The following ADGRV1 variants were observed in gnomAD, a reference collection of about 807,000 sequenced individuals.
ADGRV1 encodes the protein adhesion G protein-coupled receptor V1, also known as G-protein coupled receptor 98.
Under a neutral mutation model 596.2 loss-of-function variants are expected in ADGRV1, and 359 were observed. The ratio of observed to expected loss-of-function variants is 0.60; its 90% confidence interval spans 0.55 to 0.66. The LOEUF is 0.66. ADGRV1 is among the 30% of genes least tolerant of loss of function. ADGRV1 has a pLI of 0.00. For missense variants in ADGRV1, 7,274 were observed against 7,575.6 expected (o/e 0.96, Z 1.48); for synonymous variants, 2,681 against 2,679.2 (o/e 1.00, Z -0.02).
At chr5:90,628,954 C>T (rs1765151467) in intron 8 of ADGRV1, 122 bp downstream of exon 8, 1 of 905,198 alleles carries the variant, frequency 1.1e-6, no homozygotes. Context: ...ACTGGCTTTG[C>T]AAATGATAGT....
intron 34 of ADGRV1, among the ~76,000 whole-genome samples, chr5:90,702,787 C>T (rs1748072984): frequency 6.6e-6 from 1 of 151,910 alleles, no homozygotes; most frequent in Non-Finnish European, 1.5e-5. Flanking sequence ...CTATGCTATA[C>T]AGTTTGATTA....
intron 73 of ADGRV1, among the ~76,000 whole-genome samples, chr5:90,809,590 A>G (rs1474783474): frequency 6.6e-6 from 1 of 152,188 alleles, no homozygotes; most frequent in African/African-American, 2.4e-5. Flanking sequence ...ATTTAAATTT[A>G]TATTAAAACC....
At chr5:91,025,209 A>G (rs1311637768) in intron 85 of ADGRV1, among the ~76,000 whole-genome samples, 1 of 152,062 alleles carries the variant, frequency 6.6e-6, no homozygotes, top group Non-Finnish European at 1.5e-5. Context: ...TCTTTCTCTT[A>G]TTCACAGTTT....
intron 1 of ADGRV1, among the ~76,000 whole-genome samples, chr5:90,576,033 A>G (rs908693949): frequency 5.9e-5 from 9 of 152,086 alleles, no homozygotes; most frequent in African/African-American, 2.2e-4. Flanking sequence ...GTCCCTCTTT[A>G]TTTCCTGTTC....
intron 22 of ADGRV1, 37 bp from the exon 23 acceptor site, chr5:90,674,017 C>T: frequency 4.1e-6 from 6 of 1,464,524 alleles, no homozygotes; most frequent in East Asian, 2.3e-5. Flanking sequence ...TTCTAAATGC[C>T]TCATTGCTTA....
In ADGRV1 at chr5:90,607,874, C is replaced by A. The variant is rs1580434616; in HGVS notation, c.23-6961C>A. 1.2e-4 allele frequency among the ~76,000 whole-genome samples: 18 copies of A among 151,922 alleles called. No homozygotes were observed. In the South Asian group the frequency reaches 1.7e-3, roughly 14 times the overall value. ...GTATATATAGATGATGAAGAATTAC[C>A]AGATATAGAAGACAGATTCCAGAAT... On this transcript the variant is annotated intron_variant, in intron 1 of 89. Coordinates refer to ENST00000405460, the MANE Select transcript of ADGRV1 (RefSeq NM_032119.4).
chr5:90,577,641 C>T (rs1288137963), intron 1 of ADGRV1, among the ~76,000 whole-genome samples: 3 of 152,074 alleles, frequency 2.0e-5, no homozygotes, highest in Non-Finnish European at 2.9e-5. Context: ...TAGTTTTTTC[C>T]AATTCTGTGA....
intron 34 of ADGRV1, among the ~76,000 whole-genome samples, chr5:90,702,986 A>G (rs868316465): frequency 6.6e-6 from 1 of 151,978 alleles, no homozygotes; most frequent in South Asian, 2.1e-4. Context: ...TGCTTTTAGC[A>G]ATTTGAAAGA....
intron 83 of ADGRV1, among the ~76,000 whole-genome samples, chr5:90,928,967 C>G (rs1019169935): frequency 1.1e-4 from 17 of 148,484 alleles, no homozygotes; most frequent in Non-Finnish European, 2.5e-4. Context: ...CAGGGACCCA[C>G]TTGAGGAGGC....
chr5:90,660,228 G>T (rs1469725733), intron 21 of ADGRV1, among the ~76,000 whole-genome samples: 3 of 151,860 alleles, frequency 2.0e-5, no homozygotes, highest in African/African-American at 7.3e-5. Flanking sequence ...CATGTAATGG[G>T]TTTATTATTG....
intron 86 of ADGRV1, among the ~76,000 whole-genome samples, chr5:91,095,519 C>G (rs1239893852): frequency 6.6e-6 from 1 of 152,118 alleles, no homozygotes; most frequent in Non-Finnish European, 1.5e-5. Context: ...GTATGACCCT[C>G]AGTTTATTTG....
chr5:90,902,866 C>T (rs184554233), intron 83 of ADGRV1, among the ~76,000 whole-genome samples: 15 of 152,196 alleles, frequency 9.9e-5, no homozygotes, highest in Admixed American at 2.6e-4. Flanking sequence ...CCATTTATGA[C>T]GGCATCATGC....
At chr5:90,866,115 T>C (rs995841540) in intron 83 of ADGRV1, among the ~76,000 whole-genome samples, 35 of 152,136 alleles carry the variant, frequency 2.3e-4, no homozygotes, top group African/African-American at 8.2e-4. Flanking sequence ...CAAATCTTTA[T>C]TAATGAACTA....
chr5:90,724,470 C>A (rs1751500624), intron 45 of ADGRV1, among the ~76,000 whole-genome samples: 1 of 152,148 alleles, frequency 6.6e-6, no homozygotes, highest in African/African-American at 2.4e-5. Context: ...CTCAAGTGAT[C>A]CACCTACCTC....
chr5:90,942,055 C>G (rs1340559467), intron 83 of ADGRV1, among the ~76,000 whole-genome samples: 2 of 152,180 alleles, frequency 1.3e-5, no homozygotes, highest in African/African-American at 2.4e-5. Flanking sequence ...GTACAAGAAG[C>G]CTATCTTATC....
chr5:90,922,295 G>C (rs966938442), intron 83 of ADGRV1, among the ~76,000 whole-genome samples: 4 of 151,944 alleles, frequency 2.6e-5, no homozygotes, highest in Non-Finnish European at 5.9e-5. Flanking sequence ...TTGGTGTTTT[G>C]TTGTTGCCCT....
chr5:91,115,791 A>G (rs1792796535), intron 87 of ADGRV1, among the ~76,000 whole-genome samples: 1 of 152,174 alleles, frequency 6.6e-6, no homozygotes, highest in Admixed American at 6.5e-5. Context: ...TACTAAAAAT[A>G]CAAAAATTAG....
At chr5:91,084,130 T>A (rs928655204) in intron 86 of ADGRV1, among the ~76,000 whole-genome samples, 1 of 152,112 alleles carries the variant, frequency 6.6e-6, no homozygotes, top group Non-Finnish European at 1.5e-5. Context: ...TACTCCTACT[T>A]GTTCTTCATC....
intron 86 of ADGRV1, among the ~76,000 whole-genome samples, chr5:91,079,119 A>G (rs1057287410): frequency 1.3e-5 from 2 of 152,208 alleles, no homozygotes; most frequent in Middle Eastern, 3.2e-3. Flanking sequence ...AGGATCCAGA[A>G]TGACCAACAT....
Sources: allele counts gnomAD v4.1 joint callset (sites outside exome capture counted in the v4.1 genomes callset), GRCh38; gene constraint gnomAD v4.1.1; transcripts MANE v1.5; gene names NCBI Gene and HGNC (gene_info 2026-07-23, HGNC 2026-07-21).